Variants in NRF1 observed in about 807,000 individuals in gnomAD.
NRF1 encodes alpha palindromic-binding protein.
A neutral mutation model predicts 58.5 loss-of-function variants in NRF1; 5 were observed. That is an observed-to-expected ratio of 0.09 (90% CI 0.04 to 0.18). The LOEUF is 0.18. Ranked by LOEUF, NRF1 falls within the 10% of genes least tolerant of loss-of-function variation. The pLI is 1.00. For missense variants in NRF1, 288 were observed against 657.7 expected (o/e 0.44, Z 6.15); for synonymous variants, 224 against 246.7 (o/e 0.91, Z 0.86).
intron 2 of NRF1, among the ~76,000 whole-genome samples, chr7:129,670,698 C>G (rs78876467): frequency 0.012 from 1,808 of 152,220 alleles, 44 homozygotes; most frequent in African/African-American, 0.041. Context: ...TCAATAGTTC[C>G]TTTGAGTCTA....
Position 129,644,773 on chromosome 7 carries a change from C to G in NRF1, c.-6-12573C>G, listed in dbSNP as rs183482266. On this transcript the variant is annotated intron_variant, in intron 1 of 10. Transcript: ENST00000393232. ...CTCTATGGAAAGATGTTCCGGCAAG[C>G]CAAAATTCCCCATGCTGTCTTTACA... Among the ~76,000 whole-genome samples the G allele has an allele frequency of 2.5e-3, 383 of 152,268 alleles. 2 individuals carry two copies. The highest frequency in any genetic ancestry group is 4.1e-3 in the Non-Finnish European group (276 of 68,024).
At chr7:129,716,880 A>C (rs2116216353) in intron 8 of NRF1, among the ~76,000 whole-genome samples, 1 of 151,808 alleles carries the variant, frequency 6.6e-6, no homozygotes, top group Non-Finnish European at 1.5e-5. Flanking sequence ...AAAAAAAAAA[A>C]AAAGGTACAG....
chr7:129,740,186 C>T (rs1299423489), intron 10 of NRF1, among the ~76,000 whole-genome samples: 1 of 152,244 alleles, frequency 6.6e-6, no homozygotes, highest in Non-Finnish European at 1.5e-5. Context: ...CAATCTCCCC[C>T]ATCCTGGGAG....
chr7:129,732,142 G>C (rs945201239), intron 10 of NRF1, among the ~76,000 whole-genome samples: 42 of 152,024 alleles, frequency 2.8e-4, no homozygotes, highest in Admixed American at 2.0e-4. Context: ...CTCTCACCCA[G>C]ACCTTAACAC....
intron 1 of NRF1, among the ~76,000 whole-genome samples, chr7:129,638,952 A>AT (rs1313894951): frequency 1.3e-5 from 2 of 151,758 alleles, no homozygotes; most frequent in Non-Finnish European, 2.9e-5. Context: ...TTCTAATTTG[A>AT]TTTTTTTTCC....
intron 9 of NRF1, among the ~76,000 whole-genome samples, chr7:129,723,970 GA>G (rs1803392821): frequency 6.6e-6 from 1 of 152,184 alleles, no homozygotes; most frequent in Admixed American, 6.5e-5. Context: ...ACTCTTTGAA[GA>G]AAACATGGGG....
rs1243383795 is a variant in NRF1 at position 129,721,506 on chromosome 7, G to C, written c.1223+4130G>C. Among the ~76,000 whole-genome samples the C allele has an allele frequency of 2.1e-5, 3 of 146,004 alleles. No individual in the cohort carries two copies. The Admixed American group carries it at 2.1e-4, about 10-fold the overall frequency. Reference sequence around the variant, plus strand: ...TTTTTTTTTTTTTTTTATTGAGACAGAGTCTTGCTCTGTCACCCAGGCTGG... The same window carrying C: ...TTTTTTTTTTTTTTTTATTGAGACACAGTCTTGCTCTGTCACCCAGGCTGG... On this transcript the variant is annotated intron_variant, in intron 9 of 10. Coordinates refer to ENST00000393232, the MANE Select transcript of NRF1 (RefSeq NM_005011.5).
intron 9 of NRF1, among the ~76,000 whole-genome samples, chr7:129,720,210 C>T (rs1803288202): frequency 1.3e-5 from 2 of 152,146 alleles, no homozygotes; most frequent in Non-Finnish European, 2.9e-5. Flanking sequence ...GCAGCTTCTG[C>T]TGGGGATGAA....
chr7:129,630,937 ACCT>A (rs778345670), intron 1 of NRF1, among the ~76,000 whole-genome samples: 4 of 152,046 alleles, frequency 2.6e-5, no homozygotes, highest in African/African-American at 4.8e-5. Flanking sequence ...TCGAAGTTTG[ACCT>A]CCTTTTTGTC....
In NRF1 at chr7:129,755,323, C is replaced by T. The variant is rs971744647; in HGVS notation, c.*142C>T. On this transcript the variant is annotated 3_prime_UTR_variant, in exon 11 of 11. Transcript: ENST00000393232. The surrounding 1 kb of genome is among the most constrained non-coding windows in gnomAD (Gnocchi z 5.8). ...CTTTTTTTTTTTAAAAGGAAGAAAG[C>T]GGATTTTGGAATTGCATTTTTTAAA... The T allele has an allele frequency of 1.4e-5, 10 of 740,160 alleles. No homozygotes were observed. Among genetic ancestry groups the T allele is most frequent in the African/African-American group, 3.7e-5 (2 of 53,554 alleles). 45.8% of individuals were successfully genotyped at this position (740,160 alleles called of 1,614,324 possible). A position where few individuals can be genotyped will look rare whatever the true frequency, so the allele number is the denominator to read the frequency against.
chr7:129,663,087 A>G (rs1000444887), intron 2 of NRF1, among the ~76,000 whole-genome samples: 2 of 152,248 alleles, frequency 1.3e-5, no homozygotes, highest in South Asian at 4.1e-4. Context: ...GTTAAAGATT[A>G]ACAGCATCCC....
At chr7:129,675,028 T>C (rs746505543) in intron 3 of NRF1, among the ~76,000 whole-genome samples, 1 of 152,252 alleles carries the variant, frequency 6.6e-6, no homozygotes, top group Non-Finnish European at 1.5e-5. Context: ...CCAACTCTGC[T>C]GCTGCTTCAT....
chr7:129,656,536 T>G (rs1260010703), intron 1 of NRF1, among the ~76,000 whole-genome samples: 2 of 151,980 alleles, frequency 1.3e-5, no homozygotes, highest in Admixed American at 6.6e-5. Flanking sequence ...CATTTTGGGG[T>G]TTACAAGAAG....
At chr7:129,730,729 A>G (rs1803559074) in intron 10 of NRF1, among the ~76,000 whole-genome samples, 1 of 152,102 alleles carries the variant, frequency 6.6e-6, no homozygotes, top group African/African-American at 2.4e-5. Context: ...TAATCCCAGC[A>G]CTTTGGGAGG....
intron 10 of NRF1, among the ~76,000 whole-genome samples, chr7:129,740,436 C>G (rs1803820209): frequency 6.6e-6 from 1 of 152,200 alleles, no homozygotes; most frequent in African/African-American, 2.4e-5. Flanking sequence ...TCTTCATTCG[C>G]AGAGAGGTGG....
chr7:129,746,892 G>A (rs1244200055), intron 10 of NRF1, among the ~76,000 whole-genome samples: 1 of 152,176 alleles, frequency 6.6e-6, no homozygotes, highest in Admixed American at 6.5e-5. Flanking sequence ...CCCAACTAAA[G>A]ATATTTCCAT....
In NRF1 at chr7:129,756,786, C is replaced by CTT. The variant is rs1042934650; in HGVS notation, c.*1607_*1608dup. 6.6e-6 allele frequency: 1 copy of CTT among 152,416 alleles called. No individual in the cohort carries two copies. The highest frequency in any genetic ancestry group is 2.4e-5 in the African/African-American group (1 of 41,366). 9.4% of individuals were successfully genotyped at this position (152,416 alleles called of 1,614,324 possible). Reference sequence around the variant, plus strand: ...GTTTTATATAAAACTATCTAATGTTCTTTATATGTTCTTTTCTGTACGTAA... The same window carrying CTT: ...GTTTTATATAAAACTATCTAATGTTCTTTTTATATGTTCTTTTCTGTACGTAA... On this transcript the variant is annotated 3_prime_UTR_variant, in exon 11 of 11. Coordinates refer to ENST00000393232, the MANE Select transcript of NRF1 (RefSeq NM_005011.5).
chr7:129,696,084 A>AAGC (rs1554410315), intron 5 of NRF1, among the ~76,000 whole-genome samples: 1 of 110,882 alleles, frequency 9.0e-6, no homozygotes, highest in Non-Finnish European at 1.8e-5. Context: ...AAAAAAAAAA[A>AAGC]AACAACCAAA....
intron 4 of NRF1, among the ~76,000 whole-genome samples, chr7:129,690,103 G>T (rs1381762647): frequency 6.6e-6 from 1 of 152,192 alleles, no homozygotes; most frequent in Non-Finnish European, 1.5e-5. Context: ...GTTAGACCTG[G>T]AACAGGCAAT....
Sources: allele counts gnomAD v4.1 joint callset (sites outside exome capture counted in the v4.1 genomes callset), GRCh38; gene constraint gnomAD v4.1.1; non-coding constraint Gnocchi (gnomAD v3.1); transcripts MANE v1.5; gene names NCBI Gene and HGNC (gene_info 2026-07-23, HGNC 2026-07-21).